ZNF280B: variants seen among roughly 807,000 people sequenced by gnomAD.
ZNF280B encodes suppressor of hairy wing homolog 2.
In ZNF280B, 16 loss-of-function variants were observed where a neutral mutation model predicts 38.0. The ratio of observed to expected loss-of-function variants is 0.42; its 90% CI spans 0.28 to 0.64. ZNF280B has a LOEUF of 0.64. ZNF280B is among the 30% of genes least tolerant of loss of function. The probability of loss-of-function intolerance (pLI) is 0.21; values close to 1 mark genes in which losing one functional copy is unlikely to be tolerated. For missense variants in ZNF280B, 581 were observed against 639.6 expected (o/e 0.91, Z 0.99); for synonymous variants, 253 against 230.6 (o/e 1.10, Z -0.88).
Position 22,494,071 on chromosome 22 carries a change from CTCTT to C in ZNF280B, c.-81_-78del, listed in dbSNP as rs1486469266. The C allele has an allele frequency of 2.0e-5, 3 of 151,990 alleles. No individual in the cohort carries two copies. Among genetic ancestry groups the C allele is most frequent in the African/African-American group, 7.2e-5 (3 of 41,386 alleles). The allele number at this position is 151,990 out of a possible 1,614,324, so 9.4% of individuals were successfully genotyped here. A position where few individuals can be genotyped will look rare whatever the true frequency, so the allele number is the denominator to read the frequency against. The stretch of plus-strand genomic sequence containing the variant: ...GAGGAGATATCACAGACCTTGCTTC[CTCTT>C]TCTGTCATGTGAGAACACAGCAAGA... On this transcript the variant is annotated 5_prime_UTR_variant, in exon 3 of 4. It introduces an in-frame stop codon into an upstream open reading frame of the 5' UTR. Transcript: ENST00000626650.
At chr22:22,491,283 G>A (rs2061588520) in intron 3 of ZNF280B, among the ~76,000 whole-genome samples, 1 of 150,786 alleles carries the variant, frequency 6.6e-6, no homozygotes, top group Admixed American at 6.6e-5. Context: ...AATTCCGTAG[G>A]CCAATAAAGG....
Position 22,484,457 on chromosome 22 carries a change from T to G in ZNF280B, c.*3310A>C, listed in dbSNP as rs1027062701. 6.6e-6 allele frequency: 1 copy of G among 152,420 alleles called. No individual in the cohort carries two copies. Among genetic ancestry groups the G allele is most frequent in the African/African-American group, 2.4e-5 (1 of 41,388 alleles). The allele number at this position is 152,420 out of a possible 1,614,324, so 9.4% of individuals were successfully genotyped here. ...AAACATTTTATTACTATAATTGATA[T>G]TTTACTTATAATTTTTGGCAACATT... On this transcript the variant is annotated 3_prime_UTR_variant, in exon 4 of 4. Coordinates refer to ENST00000626650, the MANE Select transcript of ZNF280B (RefSeq NM_080764.4).
chr22:22,497,166 T>G (rs1569180817), intron 2 of ZNF280B, among the ~76,000 whole-genome samples: 1 of 138,998 alleles, frequency 7.2e-6, no homozygotes, highest in African/African-American at 2.7e-5. Flanking sequence ...TTTCCCCTTT[T>G]CCTTCCCTTC....
At chr22:22,499,587 C>T (rs897911264) in intron 2 of ZNF280B, among the ~76,000 whole-genome samples, 2 of 151,852 alleles carry the variant, frequency 1.3e-5, no homozygotes, top group Admixed American at 6.6e-5. Flanking sequence ...TAATAAAGGA[C>T]AAAAACTACA....
In ZNF280B at chr22:22,497,575, G is replaced by A. The variant is rs186979246; in HGVS notation, c.-186-3395C>T. 4.7e-3 allele frequency among the ~76,000 whole-genome samples: 714 copies of A among 151,918 alleles called. 2 individuals carry two copies. The highest frequency in any genetic ancestry group is 0.024 in the Middle Eastern group (7 of 288). On this transcript the variant is annotated intron_variant, in intron 2 of 3. Coordinates refer to ENST00000626650, the MANE Select transcript of ZNF280B (RefSeq NM_080764.4). ...GTTTTTAAAGGGCTTGAAGAATGAT[G>A]TAAAGAGGGGTTGTGGAGGACCACA...
intron 3 of ZNF280B, among the ~76,000 whole-genome samples, chr22:22,491,561 C>T (rs1293724834): frequency 6.7e-6 from 1 of 150,130 alleles, no homozygotes; most frequent in Non-Finnish European, 1.5e-5. Flanking sequence ...CGGGTTCAAG[C>T]AAGTCTCCTG....
rs1004994563 is a variant in ZNF280B at position 22,507,887 on chromosome 22, A to G, written c.-247-17T>C. The G allele has an allele frequency of 1.3e-5, 2 of 152,012 alleles. No homozygotes were observed. Among genetic ancestry groups the G allele is most frequent in the Non-Finnish European group, 2.9e-5 (2 of 68,030 alleles). 9.4% of individuals were successfully genotyped at this position (152,012 alleles called of 1,614,324 possible). A position where few individuals can be genotyped will look rare whatever the true frequency, so the allele number is the denominator to read the frequency against. On this transcript the variant is annotated splice_polypyrimidine_tract_variant and intron_variant, in intron 1 of 3. Coordinates refer to ENST00000626650, the MANE Select transcript of ZNF280B (RefSeq NM_080764.4). ...GGTCACATCCTTGAGGTAACCAGAG[A>G]GAAGCATTAGTTACTTACATGTCAC...
At chr22:22,495,570 T>C (rs2061677106) in intron 2 of ZNF280B, among the ~76,000 whole-genome samples, 2 of 152,090 alleles carry the variant, frequency 1.3e-5, no homozygotes, top group Non-Finnish European at 2.9e-5. Context: ...AAGAGAATTG[T>C]AATTTTACGT....
chr22:22,496,618 G>A (rs558189066), intron 2 of ZNF280B, among the ~76,000 whole-genome samples: 2 of 151,660 alleles, frequency 1.3e-5, no homozygotes, highest in African/African-American at 2.4e-5. Flanking sequence ...GATAGCAAAC[G>A]TGTAGAGTTA....
intron 2 of ZNF280B, among the ~76,000 whole-genome samples, chr22:22,497,058 T>C (rs1267992700): frequency 6.6e-6 from 1 of 150,434 alleles, no homozygotes; most frequent in Non-Finnish European, 1.5e-5. Flanking sequence ...CCTCAGGTGA[T>C]ACACCCGCCT....
intron 2 of ZNF280B, among the ~76,000 whole-genome samples, chr22:22,498,006 A>G (rs2061735799): frequency 1.3e-5 from 2 of 152,038 alleles, no homozygotes; most frequent in Non-Finnish European, 2.9e-5. Context: ...TATACATACA[A>G]CAGAATGTTT....
chr22:22,494,875 G>T (rs1454852937), intron 2 of ZNF280B, among the ~76,000 whole-genome samples: 1 of 151,802 alleles, frequency 6.6e-6, no homozygotes, highest in Non-Finnish European at 1.5e-5. Flanking sequence ...TTACAGGTGC[G>T]TGCCACCACG....
At chr22:22,497,988 C>T (rs567982411) in intron 2 of ZNF280B, among the ~76,000 whole-genome samples, 2 of 151,924 alleles carry the variant, frequency 1.3e-5, no homozygotes, top group Admixed American at 6.6e-5. Flanking sequence ...GATAAACAAA[C>T]CATGGTATAT....
intron 2 of ZNF280B, among the ~76,000 whole-genome samples, chr22:22,504,406 AAC>A (rs1316287681): frequency 6.6e-6 from 1 of 150,392 alleles, no homozygotes; most frequent in African/African-American, 2.4e-5. Context: ...CGGCCTGGAC[AAC>A]ACAGCAAGAC....
At position 22,489,072 on chromosome 22, in the gene ZNF280B, C is replaced by T. The variant is rs769885972; in HGVS notation, c.327G>A (p.Ser109=). ...VTVLPASQLE[S]RSTDSPIIIE... is the part of the protein sequence containing the mutation. ...TAATAATAGGACTATCTGTTGATCTCGATTCAAGTTGGGAAGCTGGCAGGA... is the reference window on the plus strand; with the variant it reads ...TAATAATAGGACTATCTGTTGATCTTGATTCAAGTTGGGAAGCTGGCAGGA... Residue 109 remains serine (S), a synonymous_variant, in exon 4 of 4, where the codon TCG becomes TCA. Coordinates refer to ENST00000626650, the MANE Select transcript of ZNF280B (RefSeq NM_080764.4). 9 of 1,613,672 alleles carry T rather than the reference C, an allele frequency of 5.6e-6. No individual in the cohort carries two copies. Among genetic ancestry groups the T allele is most frequent in the South Asian group, 2.2e-5 (2 of 91,070 alleles).
At chr22:22,503,014 G>A (rs1397408798) in intron 2 of ZNF280B, among the ~76,000 whole-genome samples, 4 of 151,920 alleles carry the variant, frequency 2.6e-5, no homozygotes, top group African/African-American at 4.8e-5. Flanking sequence ...AGAGTGACAT[G>A]GTCACAAGCC....
chr22:22,491,271 GA>G (rs2061588079), intron 3 of ZNF280B, among the ~76,000 whole-genome samples: 1 of 150,550 alleles, frequency 6.6e-6, no homozygotes, highest in Admixed American at 6.6e-5. Context: ...TTATCCATTG[GA>G]AATTCCGTAG....
intron 2 of ZNF280B, among the ~76,000 whole-genome samples, chr22:22,501,882 T>C (rs957678598): frequency 4.6e-5 from 7 of 151,704 alleles, no homozygotes; most frequent in African/African-American, 1.7e-4. Context: ...TGGTAGAGTG[T>C]GCCCGTGATC....
intron 3 of ZNF280B, among the ~76,000 whole-genome samples, chr22:22,491,753 C>T (rs956502913): frequency 6.6e-6 from 1 of 151,886 alleles, no homozygotes; most frequent in African/African-American, 2.4e-5. Context: ...CCATGGATTA[C>T]AAGCCTGAGC....
Sources: gnomAD v4.1 joint callset for allele counts (sites outside exome capture counted in the v4.1 genomes callset) on GRCh38, gnomAD v4.1.1 for gene constraint, MANE v1.5 for transcripts, NCBI Gene and HGNC (gene_info 2026-07-23, HGNC 2026-07-21) for gene names.